Variants in SPTBN4 observed in about 807,000 individuals in gnomAD.
SPTBN4 encodes the protein spectrin beta, non-erythrocytic 4.
Under a neutral mutation model 277.8 loss-of-function variants are expected in SPTBN4, and 96 were observed. That is an observed-to-expected ratio of 0.35 (90% CI 0.29 to 0.41). The LOEUF (loss-of-function observed/expected upper bound fraction) is 0.41, where lower values mean the gene tolerates loss of function less well. Ranked by LOEUF, SPTBN4 falls within the 10% of genes least tolerant of loss-of-function variation. SPTBN4 has a pLI of 1.00. For missense variants in SPTBN4, 3,006 were observed against 3,595.7 expected, an observed-to-expected ratio of 0.84 and a Z score of 4.19; for synonymous variants, 1,481 against 1,580.3, an observed-to-expected ratio of 0.94 and a Z score of 1.49.
At chr19:40,495,817 G>A (rs1042348995) in intron 6 of SPTBN4, among the ~76,000 whole-genome samples, 5 of 152,098 alleles carry the variant, frequency 3.3e-5, no homozygotes, top group Non-Finnish European at 5.9e-5. Context: ...ATGATCATTC[G>A]CATGACATAT....
At chr19:40,524,471 C>T (rs2080566382) in intron 17 of SPTBN4, 2 of 402,520 alleles carry the variant, frequency 5.0e-6, no homozygotes, top group South Asian at 3.7e-5. Context: ...CATATCACTG[C>T]AGTCCAGCCT....
chr19:40,495,387 A>T (rs1408329729), intron 6 of SPTBN4, among the ~76,000 whole-genome samples: 2 of 152,304 alleles, frequency 1.3e-5, no homozygotes, highest in East Asian at 3.9e-4. Flanking sequence ...TCACACTTGT[A>T]ATCCCTGCAC....
chr19:40,493,837 C>T (rs2080165119), intron 5 of SPTBN4, among the ~76,000 whole-genome samples: 2 of 152,198 alleles, frequency 1.3e-5, no homozygotes, highest in Admixed American at 6.5e-5. Context: ...CCCCAGCCTG[C>T]TCTCTTCTCT....
At position 40,568,107 on chromosome 19, in the gene SPTBN4, G is replaced by T. The variant is rs2081114828; in HGVS notation, c.6781G>T (p.Ala2261Ser). Reference sequence around the variant, plus strand: ...AGAGTCAGTCGATCAATCCGAGGAGGCTGCGCGGAGGCGGCGGCCGGAGCG... The same window carrying T: ...AGAGTCAGTCGATCAATCCGAGGAGTCTGCGCGGAGGCGGCGGCCGGAGCG... ...RQESVDQSEEAARRRRPERQE... is the reference protein window; with the variant it reads ...RQESVDQSEESARRRRPERQE... The change falls in exon 31 of 36, where the codon GCT becomes TCT. Residue 2261 changes from alanine to serine, a missense_variant. Physicochemically the swap from Ala to Ser is moderately conservative, Grantham distance 99. Transcript: ENST00000598249. The T allele has an allele frequency of 1.3e-6, 2 of 1,569,436 alleles. No homozygotes were observed. The highest frequency in any genetic ancestry group is 1.3e-5 in the African/African-American group (1 of 74,162).
chr19:40,516,022 C>CGTATATATACACACATAT (rs2080454847), intron 15 of SPTBN4, among the ~76,000 whole-genome samples: 11 of 135,588 alleles, frequency 8.1e-5, no homozygotes, highest in African/African-American at 3.1e-4. Context: ...CACACATATA[C>CGTATATATACACACATAT]GTATATATAC....
chr19:40,561,773 G>A (rs1253014112), intron 27 of SPTBN4, among the ~76,000 whole-genome samples: 1 of 149,134 alleles, frequency 6.7e-6, no homozygotes, highest in Non-Finnish European at 1.5e-5. Context: ...AGTGAGCCAA[G>A]ATCGTGCCAC....
chr19:40,530,037 G>A (rs2080644989), intron 18 of SPTBN4, among the ~76,000 whole-genome samples: 1 of 152,038 alleles, frequency 6.6e-6, no homozygotes, highest in Non-Finnish European at 1.5e-5. Flanking sequence ...GGGTAGGCCG[G>A]GACTTGAGCC....
chr19:40,557,337 C>T lies in SPTBN4; in HGVS notation c.5604C>T (p.Pro1868=). 6.2e-7 allele frequency: 1 copy of T among 1,612,400 alleles called. No homozygotes were observed. The highest frequency in any genetic ancestry group is 1.1e-5 in the South Asian group (1 of 90,898). Residue 1868 remains proline, a synonymous_variant, in exon 26 of 36, where the codon CCC becomes CCT. Coordinates refer to ENST00000598249, the MANE Select transcript of SPTBN4 (RefSeq NM_020971.3). ...PRLTTPPEPR[P]SASSMQRTLR... is the part of the protein sequence containing the mutation. ...TGACCACCCCGCCTGAGCCGAGACC[C>T]AGTGCCAGTTCCATGCAGCGGACCC... is the stretch of plus-strand genomic sequence containing the variant.
chr19:40,492,374 T>C lies in SPTBN4; in HGVS notation c.496-589T>C, dbSNP rs995272721. 4.6e-5 allele frequency among the ~76,000 whole-genome samples: 7 copies of C among 152,006 alleles called. No homozygotes were observed. The East Asian group carries it at 9.7e-4, about 21-fold the overall frequency. On this transcript the variant is annotated intron_variant, in intron 4 of 35. Transcript: ENST00000598249. Reference sequence around the variant, plus strand: ...TGGTTATGGGTCCAGGACATTGGAGTTGGGGATGTTCCAGGTAGATGGAAC... The same window carrying C: ...TGGTTATGGGTCCAGGACATTGGAGCTGGGGATGTTCCAGGTAGATGGAAC...
Position 40,490,454 on chromosome 19 carries a change from C to G in SPTBN4, c.495+206C>G, listed in dbSNP as rs533883525. 6.6e-6 allele frequency among the ~76,000 whole-genome samples: 1 copy of G among 152,136 alleles called. No homozygotes were observed. Among genetic ancestry groups the G allele is most frequent in the South Asian group, 2.1e-4 (1 of 4,830 alleles). ...CATTTTGTATCGACCCTGTTCCAAA[C>G]ACTGTTCTAAGCACTTGACATTTAA... On this transcript the variant is annotated intron_variant, in intron 4 of 35. Transcript: ENST00000598249. This position sits in a 1 kb window ranked among gnomAD's most constrained non-coding sequence, Gnocchi z 4.3.
At chr19:40,530,332 A>T (rs1033690894) in intron 18 of SPTBN4, among the ~76,000 whole-genome samples, 3 of 152,018 alleles carry the variant, frequency 2.0e-5, no homozygotes, top group Non-Finnish European at 4.4e-5. Flanking sequence ...GAGATGGCGC[A>T]GAAGCCCCCC....
rs903040949 is a variant in SPTBN4 at position 40,562,691 on chromosome 19, G to A, written c.5915+2288G>A. ...CTCTACTAAAAATACAAACTTAGCC[G>A]GGTGTGGTGGCACATGCCTGTAATC... On this transcript the variant is annotated intron_variant, in intron 27 of 35. Transcript: ENST00000598249. Among the ~76,000 whole-genome samples the A allele has an allele frequency of 5.3e-5, 8 of 151,810 alleles. No homozygotes were observed. The East Asian group carries it at 1.4e-3, about 26-fold the overall frequency.
intron 27 of SPTBN4, among the ~76,000 whole-genome samples, 169 bp from the exon 28 acceptor site, chr19:40,565,254 G>A (rs2081079494): frequency 6.7e-6 from 1 of 150,260 alleles, no homozygotes; most frequent in Admixed American, 6.7e-5. Flanking sequence ...CATAGGGTGA[G>A]ACTTTATCTC....
In SPTBN4 at chr19:40,497,557, G is replaced by T. The variant is rs370960966; in HGVS notation, c.737G>T (p.Arg246Leu). The T allele has an allele frequency of 6.2e-7, 1 of 1,614,018 alleles. No homozygotes were observed. The highest frequency in any genetic ancestry group is 1.1e-5 in the South Asian group (1 of 91,080). Residue 246 changes from arginine to leucine, a missense_variant, in exon 7 of 36, where the codon CGC becomes CTC. Transcript: ENST00000598249. ...NANYNLQRAF[R>L]TAEQHLGLAR... Reference sequence around the variant, plus strand: ...AACTACAACCTGCAGAGAGCCTTCCGCACAGCTGAGCAGCACCTGGGGCTG... The same window carrying T: ...AACTACAACCTGCAGAGAGCCTTCCTCACAGCTGAGCAGCACCTGGGGCTG...
intron 22 of SPTBN4, among the ~76,000 whole-genome samples, chr19:40,552,009 AC>A (rs985869938): frequency 2.0e-5 from 3 of 151,200 alleles, no homozygotes; most frequent in Non-Finnish European, 4.4e-5. Context: ...AAAAAAAAAA[AC>A]ATCGATTAAA....
chr19:40,548,904 T>C (rs1345969509), intron 20 of SPTBN4, among the ~76,000 whole-genome samples: 4 of 152,094 alleles, frequency 2.6e-5, no homozygotes, highest in African/African-American at 7.2e-5. Flanking sequence ...AGTTCCGGGG[T>C]CAGGTAAGCC....
chr19:40,468,569 C>T (rs1218581530), intron 1 of SPTBN4, among the ~76,000 whole-genome samples: 2 of 152,198 alleles, frequency 1.3e-5, no homozygotes, highest in Non-Finnish European at 1.5e-5. Context: ...TAGTAAAGAC[C>T]GGGTTTTGCC....
intron 17 of SPTBN4, among the ~76,000 whole-genome samples, chr19:40,528,803 T>G (rs2145890855): frequency 6.6e-6 from 1 of 152,154 alleles, no homozygotes; most frequent in Non-Finnish European, 1.5e-5. Context: ...TCTATATCTC[T>G]TTCTTTCTAA....
At chr19:40,468,138 C>T (rs139222258) in intron 1 of SPTBN4, among the ~76,000 whole-genome samples, 1,967 of 150,508 alleles carry the variant, frequency 0.013, 52 homozygotes, top group African/African-American at 0.046. Flanking sequence ...AGTGTAATGG[C>T]GCGATCTTGG....
Sources: allele counts gnomAD v4.1 joint callset (sites outside exome capture counted in the v4.1 genomes callset), GRCh38; gene constraint gnomAD v4.1.1; non-coding constraint Gnocchi (gnomAD v3.1); transcripts MANE v1.5; gene names NCBI Gene and HGNC (gene_info 2026-07-23, HGNC 2026-07-21).